SOX6: variants seen among roughly 807,000 people sequenced by gnomAD.
The protein encoded by SOX6 is transcription factor SOX-6.
Under a neutral mutation model 97.8 loss-of-function variants are expected in SOX6, and 11 were observed. That is an observed-to-expected ratio of 0.11 (90% CI 0.07 to 0.19). The LOEUF (loss-of-function observed/expected upper bound fraction) is 0.19, where lower values mean the gene tolerates loss of function less well. Among genes scored for constraint, SOX6 ranks in the 10% least tolerant of loss-of-function variants. The pLI is 1.00. For missense variants in SOX6, 810 were observed against 1,039.5 expected, an observed-to-expected ratio of 0.78 and a Z score of 3.04; for synonymous variants, 360 against 371.4, an observed-to-expected ratio of 0.97 and a Z score of 0.35.
intron 3 of SOX6, among the ~76,000 whole-genome samples, chr11:16,238,217 G>T (rs1196120302): frequency 2.0e-5 from 3 of 151,848 alleles, no homozygotes; most frequent in East Asian, 1.9e-4. Flanking sequence ...GGATGTAAAC[G>T]TTTTGATGTA....
intron 4 of SOX6, among the ~76,000 whole-genome samples, chr11:16,548,210 C>T (rs750527010): frequency 3.3e-5 from 5 of 151,774 alleles, no homozygotes; most frequent in African/African-American, 4.8e-5. Flanking sequence ...AAGACTTTTT[C>T]GACAAATAAA....
At position 16,022,235 on chromosome 11, in the gene SOX6, T is replaced by C. The variant is rs568703202; in HGVS notation, c.1624-7185A>G. Among the ~76,000 whole-genome samples, 19 of 152,266 alleles carry C rather than the reference T, an allele frequency of 1.2e-4. No individual in the cohort carries two copies. The South Asian group carries it at 3.7e-3, about 30-fold the overall frequency. ...TCAAAGCTAAACTACGATGACAGTGTCCTTATCCAAAGGTCAATATCCTTT... is the reference window on the plus strand; with the variant it reads ...TCAAAGCTAAACTACGATGACAGTGCCCTTATCCAAAGGTCAATATCCTTT... On this transcript the variant is annotated intron_variant, in intron 12 of 15. Coordinates refer to ENST00000683767, the MANE Select transcript of SOX6 (RefSeq NM_001367873.1).
chr11:16,233,021 A>G, intron 4 of SOX6, among the ~76,000 whole-genome samples: 1 of 152,182 alleles, frequency 6.6e-6, no homozygotes, highest in Non-Finnish European at 1.5e-5. Context: ...TTTGCTGGGA[A>G]AAAAGATGAC....
intron 12 of SOX6, among the ~76,000 whole-genome samples, chr11:16,043,528 A>G (rs1316719716): frequency 6.6e-6 from 1 of 152,318 alleles, no homozygotes; most frequent in East Asian, 1.9e-4. Flanking sequence ...ATAGGGATTT[A>G]CCCAATACAG....
chr11:16,521,852 T>C (rs367587383), intron 4 of SOX6, among the ~76,000 whole-genome samples: 1 of 152,078 alleles, frequency 6.6e-6, no homozygotes, highest in Non-Finnish European at 1.5e-5. Context: ...CAGGAGCCGA[T>C]GTGATCAACT....
intron 13 of SOX6, among the ~76,000 whole-genome samples, chr11:15,989,814 G>A (rs959562139): frequency 4.6e-5 from 7 of 152,090 alleles, no homozygotes; most frequent in African/African-American, 1.4e-4. Flanking sequence ...GGAGACCATG[G>A]TAAATAAAAC....
chr11:15,972,490 G>GAA lies in SOX6; in HGVS notation c.*317_*318dup. 2.9e-6 allele frequency: 1 copy of GAA among 344,960 alleles called. No individual in the cohort carries two copies. The highest frequency in any genetic ancestry group is 5.4e-6 in the Non-Finnish European group (1 of 186,124). The allele number at this position is 344,960 out of a possible 1,614,324, so 21.4% of individuals were successfully genotyped here. On this transcript the variant is annotated 3_prime_UTR_variant, in exon 16 of 16. Coordinates refer to ENST00000683767, the MANE Select transcript of SOX6 (RefSeq NM_001367873.1). ...CTTAAACCTTTATCAACATCCAAAAGAAAAAAAAAGTAAGACAAAAATATA... is the reference window on the plus strand; with the variant it reads ...CTTAAACCTTTATCAACATCCAAAAGAAAAAAAAAAAGTAAGACAAAAATATA...
At position 16,341,148 on chromosome 11, in the gene SOX6, T is replaced by C; in HGVS notation, c.101A>G (p.Asp34Gly). The C allele has an allele frequency of 6.2e-7, 1 of 1,613,548 alleles. No homozygotes were observed. The highest frequency in any genetic ancestry group is 8.5e-7 in the Non-Finnish European group (1 of 1,179,604). ...AGGCAGATGGGAGGCCACATGTTGA[T>C]CACTGCCCTCTTCCTTTTCCCTTGA... ...LTSREKEEGS[D>G]QHVASHLPLH... Residue 34 changes from aspartate (D) to glycine (G), a missense_variant, in exon 2 of 16, where the codon GAT becomes GGT. By Grantham distance (94) the Asp-to-Gly change is moderately conservative (BLOSUM62 -1). Around this residue, in one of 9 missense-constraint regions of SOX6, gnomAD observed 100 missense variants for 94.6 expected, o/e 1.06. Transcript: ENST00000683767.
chr11:16,709,649 T>C (rs772930952), intron 3 of SOX6, among the ~76,000 whole-genome samples: 1 of 152,204 alleles, frequency 6.6e-6, no homozygotes, highest in Non-Finnish European at 1.5e-5. Flanking sequence ...CTGCCATGCT[T>C]TCTGTACAAC....
At chr11:16,455,770 G>C (rs935805160) in intron 1 of SOX6, among the ~76,000 whole-genome samples, 4 of 152,140 alleles carry the variant, frequency 2.6e-5, no homozygotes, top group Non-Finnish European at 4.4e-5. Flanking sequence ...CCCCATGAAA[G>C]TAATTTTTAT....
At chr11:16,144,561 G>T (rs1354040562) in intron 6 of SOX6, among the ~76,000 whole-genome samples, 1 of 152,136 alleles carries the variant, frequency 6.6e-6, no homozygotes. Flanking sequence ...GAATCCAGCA[G>T]CTGGTTTTTT....
At chr11:16,323,974 G>C (rs1855996261) in intron 2 of SOX6, among the ~76,000 whole-genome samples, 1 of 151,952 alleles carries the variant, frequency 6.6e-6, no homozygotes, top group African/African-American at 2.4e-5. Context: ...CTTCAGCCAA[G>C]GAGTTTGAGA....
intron 1 of SOX6, among the ~76,000 whole-genome samples, chr11:16,382,929 CA>C (rs145244158): frequency 0.017 from 2,422 of 146,478 alleles, 54 homozygotes; most frequent in African/African-American, 0.057. Context: ...ACAAAACAAA[CA>C]AAAAAAAAAC....
At chr11:16,568,267 C>T (rs936630921) in intron 4 of SOX6, among the ~76,000 whole-genome samples, 1 of 152,080 alleles carries the variant, frequency 6.6e-6, no homozygotes, top group African/African-American at 2.4e-5. Context: ...AAGGGATACT[C>T]GATCTGTAGT....
chr11:16,407,643 C>T (rs1033832966), intron 1 of SOX6, among the ~76,000 whole-genome samples: 3 of 152,060 alleles, frequency 2.0e-5, no homozygotes, highest in Admixed American at 2.0e-4. Context: ...TCCTATAGCA[C>T]CACTCAACAA....
chr11:16,204,544 G>A (rs1852023661), intron 4 of SOX6, among the ~76,000 whole-genome samples: 2 of 149,460 alleles, frequency 1.3e-5, no homozygotes, highest in South Asian at 4.4e-4. Context: ...TAGCGGGGAA[G>A]AGAAACATTA....
chr11:16,636,185 C>T (rs1399330294), intron 3 of SOX6, among the ~76,000 whole-genome samples: 1 of 152,190 alleles, frequency 6.6e-6, no homozygotes, highest in East Asian at 1.9e-4. Context: ...ATGAAAGCAG[C>T]TGGGAGGGGG....
rs1848387700 is a variant in SOX6 at position 16,610,813 on chromosome 11, C to A, written n.609+1268G>T. On this transcript the variant is annotated intron_variant and non_coding_transcript_variant, in intron 4 of 5. Coordinates refer to the SOX6 transcript ENST00000524520. This position sits in a 1 kb window ranked among gnomAD's most constrained non-coding sequence, Gnocchi z 4.4. ...AGGGAGAGGCGGAGAGCGCAGCAGC[C>A]TGCTAAAGTAAAGTGCTGGGCTCTC... 6.6e-6 allele frequency among the ~76,000 whole-genome samples: 1 copy of A among 152,166 alleles called. No homozygotes were observed. Among genetic ancestry groups the A allele is most frequent in the Non-Finnish European group, 1.5e-5 (1 of 68,032 alleles).
At chr11:16,190,111 G>A (rs1445424483) in intron 4 of SOX6, among the ~76,000 whole-genome samples, 1 of 152,140 alleles carries the variant, frequency 6.6e-6, no homozygotes, top group Non-Finnish European at 1.5e-5. Flanking sequence ...TGCTTCCAGG[G>A]TTAATAGATA....
Sources: gnomAD v4.1 joint callset for allele counts (sites outside exome capture counted in the v4.1 genomes callset) on GRCh38, gnomAD v4.1.1 for gene constraint, gnomAD v4.1.1 regional missense constraint, Gnocchi (gnomAD v3.1) non-coding constraint, MANE v1.5 for transcripts, NCBI Gene and HGNC (gene_info 2026-07-23, HGNC 2026-07-21) for gene names.